A2M: variants seen among roughly 807,000 people sequenced by gnomAD.
A2M encodes the protein alpha-2-macroglobulin, also known as C3 and PZP-like alpha-2-macroglobulin domain-containing protein 5.
A2M carries 128 observed loss-of-function variants against 183.9 expected under a neutral mutation model. That is an observed-to-expected ratio of 0.70 (90% CI 0.60 to 0.81). The LOEUF (loss-of-function observed/expected upper bound fraction) is 0.81. Among genes scored for constraint, A2M ranks in the 30% least tolerant of loss-of-function variants. A2M has a pLI of 0.00. For missense variants in A2M, 1,495 were observed against 1,787.6 expected (o/e 0.84, Z 2.95); for synonymous variants, 592 against 670.8 (o/e 0.88, Z 1.81).
intron 22 of A2M, among the ~76,000 whole-genome samples, chr12:9,084,322 C>G (rs1948992913): frequency 6.6e-6 from 1 of 152,062 alleles, no homozygotes; most frequent in Admixed American, 6.6e-5. Context: ...GTATTTAAAG[C>G]AATTTTATCT....
chr12:9,084,696 C>A (rs1949003637), intron 22 of A2M, among the ~76,000 whole-genome samples: 1 of 151,926 alleles, frequency 6.6e-6, no homozygotes, highest in African/African-American at 2.4e-5. Flanking sequence ...ACCTTGAATG[C>A]AAATGGACTA....
In A2M at chr12:9,084,316, T is replaced by G. The variant is rs765970948; in HGVS notation, c.2771-4139A>C. ...TACTCTATGACTGTAATGATGGTAT[T>G]TAAAGCAATTTTATCTCTAGTACAA... is the stretch of plus-strand genomic sequence containing the variant. On this transcript the variant is annotated intron_variant, in intron 22 of 35. Coordinates refer to ENST00000318602, the MANE Select transcript of A2M (RefSeq NM_000014.6). 3.3e-5 allele frequency among the ~76,000 whole-genome samples: 5 copies of G among 152,254 alleles called. No homozygotes were observed. The East Asian group carries it at 9.6e-4, about 29-fold the overall frequency.
At chr12:9,084,049 CAAAAAT>C (rs1387093613) in intron 22 of A2M, among the ~76,000 whole-genome samples, 4 of 151,938 alleles carry the variant, frequency 2.6e-5, no homozygotes, top group Non-Finnish European at 5.9e-5. Flanking sequence ...TGAAGGAAAA[CAAAAAT>C]AAAAACAACA....
At chr12:9,111,316 C>T (rs897885182) in intron 4 of A2M, among the ~76,000 whole-genome samples, 4 of 151,984 alleles carry the variant, frequency 2.6e-5, no homozygotes, top group Non-Finnish European at 4.4e-5. Context: ...AAAATCAATA[C>T]GTATAGAATG....
At position 9,091,381 on chromosome 12, in the gene A2M, G is replaced by A. The variant is rs753034102; in HGVS notation, c.2289C>T (p.Thr763=). 3.1e-6 allele frequency: 5 copies of A among 1,614,158 alleles called. No homozygotes were observed. Among genetic ancestry groups the A allele is most frequent in the Non-Finnish European group, 2.5e-6 (3 of 1,180,040 alleles). ...GGCAGAAGGCCCCTGCCTTCCACTCGGTGATGGTGTCAGGGACTGTTACTC... is the reference window on the plus strand; with the variant it reads ...GGCAGAAGGCCCCTGCCTTCCACTCAGTGATGGTGTCAGGGACTGTTACTC... The part of the protein sequence containing the change: ...EVGVTVPDTI[T]EWKAGAFCLS... The change falls in exon 19 of 36, where the codon ACC becomes ACT. Residue 763 remains threonine (T), a synonymous_variant. Transcript: ENST00000318602.
intron 24 of A2M, 88 bp from the exon 25 acceptor site, chr12:9,079,419 G>T (rs1948841195): frequency 1.5e-6 from 2 of 1,348,056 alleles, no homozygotes; most frequent in East Asian, 4.6e-5. Flanking sequence ...GGCTTCTCTT[G>T]TGACATTTCT....
chr12:9,110,364 A>G, intron 4 of A2M, 30 bp from the exon 5 acceptor site: 1 of 1,323,784 alleles, frequency 7.6e-7, no homozygotes, highest in Non-Finnish European at 1.0e-6. Flanking sequence ...AGAAGTTTAT[A>G]ATTATTTTCA....
chr12:9,079,440 T>C, intron 24 of A2M, 109 bp from the exon 25 acceptor site: 1 of 1,252,344 alleles, frequency 8.0e-7, no homozygotes, highest in South Asian at 1.3e-5. Flanking sequence ...TAAATTTTGT[T>C]GTCATAGATT....
Position 9,076,808 on chromosome 12 carries a change from C to G in A2M, c.3480G>C (p.Gln1160His), listed in dbSNP as rs1314460139. 24 of 1,613,960 alleles carry G rather than the reference C, an allele frequency of 1.5e-5. No homozygotes were observed. The highest frequency in any genetic ancestry group is 2.0e-5 in the Non-Finnish European group (24 of 1,179,944). ...LAYAFALAGN[Q>H]DKRKEVLKSL... ...ACTTGAGTACTTCCTTCCTCTTGTCCTGGTTACCTGCCAGGGCAAAAGCAT... is the reference window on the plus strand; with the variant it reads ...ACTTGAGTACTTCCTTCCTCTTGTCGTGGTTACCTGCCAGGGCAAAAGCAT... The change falls in exon 28 of 36, where the codon CAG becomes CAC. Residue 1160 changes from glutamine to histidine, a missense_variant. Coordinates refer to ENST00000318602, the MANE Select transcript of A2M (RefSeq NM_000014.6).
At chr12:9,079,906 T>A in intron 23 of A2M, 91 bp from the exon 24 acceptor site, 2 of 1,276,254 alleles carry the variant, frequency 1.6e-6, no homozygotes, top group Non-Finnish European at 2.1e-6. Context: ...AGCTTAGAAA[T>A]TGAGAATTTT....
At position 9,095,272 on chromosome 12, in the gene A2M, C is replaced by T. The variant is rs117689344; in HGVS notation, c.2014-188G>A. Among the ~76,000 whole-genome samples, 51 of 152,272 alleles carry T rather than the reference C, an allele frequency of 3.3e-4. No individual in the cohort carries two copies. The East Asian group carries it at 8.5e-3, about 25-fold the overall frequency. On this transcript the variant is annotated intron_variant, in intron 16 of 35. Transcript: ENST00000318602. ...TATTCTTTTCATTAAACTCTTTCAA[C>T]AGTAATTATTTTGTATATGTGATTT...
intron 8 of A2M, among the ~76,000 whole-genome samples, chr12:9,106,826 A>G (rs953831060): frequency 6.6e-6 from 1 of 152,126 alleles, no homozygotes; most frequent in African/African-American, 2.4e-5. Context: ...AATTCCCTAG[A>G]TATATTGCGA....
chr12:9,071,183 T>C (rs1036585939), intron 31 of A2M, among the ~76,000 whole-genome samples: 5 of 152,178 alleles, frequency 3.3e-5, no homozygotes, highest in African/African-American at 1.2e-4. Context: ...CTCTAATCTA[T>C]GCCAGTTATT....
chr12:9,076,041 T>A (rs757084531), intron 28 of A2M, among the ~76,000 whole-genome samples: 1 of 152,356 alleles, frequency 6.6e-6, no homozygotes, highest in South Asian at 2.1e-4. Context: ...ACCGCTCATA[T>A]AGACCATGGT....
At chr12:9,069,894 C>T in intron 32 of A2M, 81 bp from the exon 33 acceptor site, 1 of 1,140,674 alleles carries the variant, frequency 8.8e-7, no homozygotes, top group Non-Finnish European at 1.3e-6. Flanking sequence ...TTTGTATTGC[C>T]AAAATAACCC....
intron 15 of A2M, 108 bp downstream of exon 15, chr12:9,098,499 T>G (rs1949453170): frequency 8.0e-7 from 1 of 1,255,210 alleles, no homozygotes; most frequent in African/African-American, 1.5e-5. Context: ...AATTAATTCC[T>G]AGATAAATAT....
chr12:9,107,927 C>T (rs749393604), intron 7 of A2M, among the ~76,000 whole-genome samples: 5 of 151,488 alleles, frequency 3.3e-5, no homozygotes, highest in East Asian at 3.9e-4. Context: ...AACTTAAACC[C>T]GTTCTTAAAA....
At chr12:9,077,044 A>C in intron 27 of A2M, 108 bp from the exon 28 acceptor site, 1 of 974,630 alleles carries the variant, frequency 1.0e-6, no homozygotes, top group East Asian at 2.5e-5. Context: ...GCATTTTTCC[A>C]ACGATTCCTC....
At chr12:9,076,626 C>CAAAATATATATGATATATAGAAAAG in intron 28 of A2M, 130 bp downstream of exon 28, 1 of 798,030 alleles carries the variant, frequency 1.3e-6, no homozygotes, top group Non-Finnish European at 1.9e-6. Context: ...GCAATATGGA[C>CAAAATATATATGATATATAGAAAAG]AAAATATATA....
Sources: gnomAD v4.1 joint callset for allele counts (sites outside exome capture counted in the v4.1 genomes callset) on GRCh38, gnomAD v4.1.1 for gene constraint, MANE v1.5 for transcripts, NCBI Gene and HGNC (gene_info 2026-07-23, HGNC 2026-07-21) for gene names.